Variants in SND1 observed in about 807,000 individuals in gnomAD.
SND1 encodes the protein staphylococcal nuclease and tudor domain containing 1.
Under a neutral mutation model 121.7 loss-of-function variants are expected in SND1, and 38 were observed. The ratio of observed to expected loss-of-function variants is 0.31; its 90% CI spans 0.24 to 0.41. The LOEUF (loss-of-function observed/expected upper bound fraction) is 0.41, where lower values mean the gene tolerates loss of function less well. Ranked by LOEUF, SND1 falls within the 10% of genes least tolerant of loss-of-function variation. SND1 has a pLI of 1.00. For missense variants in SND1, 868 were observed against 1,184.6 expected (o/e 0.73, Z 3.92); for synonymous variants, 401 against 447.4 (o/e 0.90, Z 1.31).
chr7:127,666,686 G>A (rs975214613), intron 1 of SND1, among the ~76,000 whole-genome samples: 1 of 152,162 alleles, frequency 6.6e-6, no homozygotes, highest in Non-Finnish European at 1.5e-5. Flanking sequence ...AAAAATGGAT[G>A]AGAAGTCTCT....
intron 16 of SND1, among the ~76,000 whole-genome samples, chr7:128,044,505 T>C (rs764028684): frequency 6.6e-6 from 1 of 152,306 alleles, no homozygotes; most frequent in Admixed American, 6.5e-5. Flanking sequence ...AACACACTTA[T>C]TTTGAAAATT....
rs535799997 is a variant in SND1 at position 128,040,074 on chromosome 7, A to G, written c.1780-34428A>G. Among the ~76,000 whole-genome samples, 10 of 152,256 alleles carry G rather than the reference A, an allele frequency of 6.6e-5. No homozygotes were observed. In the South Asian group the frequency reaches 2.1e-3, roughly 32 times the overall value. ...TCCCCAAATTTTGCTTGACCAAGGA[A>G]GAATTCCATCAACGAACCCTTAATT... On this transcript the variant is annotated intron_variant, in intron 16 of 23. Coordinates refer to ENST00000354725, the MANE Select transcript of SND1 (RefSeq NM_014390.4).
At chr7:127,807,993 G>GAC (rs1798266263) in intron 11 of SND1, among the ~76,000 whole-genome samples, 1 of 152,058 alleles carries the variant, frequency 6.6e-6, no homozygotes, top group African/African-American at 2.4e-5. Context: ...GGGGAAGAGG[G>GAC]GATGACCTGG....
At chr7:128,053,162 G>C (rs1457728397) in intron 16 of SND1, among the ~76,000 whole-genome samples, 1 of 152,174 alleles carries the variant, frequency 6.6e-6, no homozygotes, top group Non-Finnish European at 1.5e-5. Context: ...GACAAGTTTT[G>C]GCAGAGGTTC....
At chr7:127,866,197 G>A (rs1319330184) in intron 12 of SND1, among the ~76,000 whole-genome samples, 2 of 152,128 alleles carry the variant, frequency 1.3e-5, no homozygotes, top group Non-Finnish European at 2.9e-5. Flanking sequence ...CAAGAACCTA[G>A]ACAACTCATT....
chr7:127,989,008 G>A (rs1802460143), intron 15 of SND1, among the ~76,000 whole-genome samples: 1 of 152,218 alleles, frequency 6.6e-6, no homozygotes, highest in African/African-American at 2.4e-5. Context: ...AAAAAGAAAA[G>A]TGTTTTTGGC....
intron 16 of SND1, among the ~76,000 whole-genome samples, chr7:128,035,990 C>T (rs534008961): frequency 2.0e-5 from 3 of 152,222 alleles, no homozygotes; most frequent in South Asian, 4.1e-4. Flanking sequence ...ATAGGCTTTG[C>T]GGACTCTTTT....
intron 10 of SND1, among the ~76,000 whole-genome samples, chr7:127,745,864 C>G (rs1400200486): frequency 1.3e-5 from 2 of 152,178 alleles, no homozygotes; most frequent in Non-Finnish European, 2.9e-5. Flanking sequence ...TGGCCTGGGC[C>G]ATTTAAGGGT....
chr7:127,817,723 T>C (rs1426952547), intron 11 of SND1, among the ~76,000 whole-genome samples: 1 of 112,942 alleles, frequency 8.9e-6, no homozygotes, highest in Non-Finnish European at 1.7e-5. Flanking sequence ...CCTTCATACT[T>C]TTTTTTTTTT....
intron 1 of SND1, among the ~76,000 whole-genome samples, chr7:127,664,523 ATAT>A (rs1554408646): frequency 6.6e-6 from 1 of 152,176 alleles, no homozygotes; most frequent in Non-Finnish European, 1.5e-5. Flanking sequence ...CACCCCCCAT[ATAT>A]TACCTTATGT....
intron 1 of SND1, among the ~76,000 whole-genome samples, chr7:127,674,970 G>A (rs940818034): frequency 6.6e-6 from 1 of 152,196 alleles, no homozygotes; most frequent in African/African-American, 2.4e-5. Flanking sequence ...GGAGGCCAAG[G>A]CAGGCAGATC....
chr7:127,665,749 A>C (rs1278546828), intron 1 of SND1, among the ~76,000 whole-genome samples: 2 of 152,120 alleles, frequency 1.3e-5, no homozygotes, highest in Non-Finnish European at 2.9e-5. Flanking sequence ...CAGCCTTAGG[A>C]ATTCTGTTCC....
chr7:127,855,535 A>G (rs1799259416), intron 12 of SND1, among the ~76,000 whole-genome samples: 1 of 151,670 alleles, frequency 6.6e-6, no homozygotes, highest in South Asian at 2.1e-4. Context: ...TTGTTTTTCC[A>G]GCTGTAAGTT....
At chr7:127,913,321 CAG>C (rs1800499576) in intron 14 of SND1, among the ~76,000 whole-genome samples, 3 of 152,184 alleles carry the variant, frequency 2.0e-5, no homozygotes. Context: ...CCTTCACAAA[CAG>C]GAGTGCATGC....
chr7:127,909,775 G>A (rs924574204), intron 14 of SND1, among the ~76,000 whole-genome samples: 12 of 152,176 alleles, frequency 7.9e-5, no homozygotes, highest in Non-Finnish European at 1.8e-4. Flanking sequence ...ACTAGCTTTG[G>A]GGAAGGTGCA....
intron 16 of SND1, among the ~76,000 whole-genome samples, chr7:128,019,998 T>G (rs908631154): frequency 1.3e-5 from 2 of 152,164 alleles, no homozygotes; most frequent in African/African-American, 4.8e-5. Context: ...TGAACAGACC[T>G]CTAACATGAT....
chr7:127,738,604 C>T (rs908667135), intron 10 of SND1, among the ~76,000 whole-genome samples: 1 of 152,046 alleles, frequency 6.6e-6, no homozygotes, highest in African/African-American at 2.4e-5. Context: ...TTAAGGCTAA[C>T]GTGTTTATCT....
intron 11 of SND1, among the ~76,000 whole-genome samples, chr7:127,833,390 C>T (rs754076042): frequency 5.9e-5 from 9 of 151,686 alleles, no homozygotes; most frequent in Admixed American, 1.3e-4. Flanking sequence ...CTCAGCCTCC[C>T]GAGTGCTGGG....
chr7:127,979,217 A>G (rs926010827), intron 15 of SND1, among the ~76,000 whole-genome samples: 5 of 152,246 alleles, frequency 3.3e-5, no homozygotes, highest in African/African-American at 9.6e-5. Context: ...TTTGAATTTC[A>G]TAGTCTTCAC....
Sources: gnomAD v4.1 joint callset for allele counts (sites outside exome capture counted in the v4.1 genomes callset) on GRCh38, gnomAD v4.1.1 for gene constraint, MANE v1.5 for transcripts, NCBI Gene and HGNC (gene_info 2026-07-23, HGNC 2026-07-21) for gene names.